The following CHRNA4 variants were observed in gnomAD, a reference collection of about 807,000 sequenced individuals.
CHRNA4 encodes the protein neuronal acetylcholine receptor subunit alpha-4.
In CHRNA4, 28 loss-of-function variants were observed where a neutral mutation model predicts 48.9. The ratio of observed to expected loss-of-function variants is 0.57; its 90% CI spans 0.42 to 0.79. CHRNA4 has a LOEUF of 0.79. CHRNA4 is among the 30% of genes least tolerant of loss of function. The pLI is 0.00. For missense variants in CHRNA4, 859 were observed against 898.4 expected, an observed-to-expected ratio of 0.96 and a Z score of 0.56; for synonymous variants, 425 against 402.3, an observed-to-expected ratio of 1.06 and a Z score of -0.68.
chr20:63,347,658 G>T (rs1464760208), intron 5 of CHRNA4, among the ~76,000 whole-genome samples: 1 of 152,190 alleles, frequency 6.6e-6, no homozygotes, highest in Non-Finnish European at 1.5e-5. Flanking sequence ...GCTGGCCACT[G>T]CCCTCGCCCC....
Position 63,346,030 on chromosome 20 carries a change from A to C in CHRNA4, c.*708T>G. 2.2e-6 allele frequency: 1 copy of C among 453,960 alleles called. No homozygotes were observed. 28.1% of individuals were successfully genotyped at this position (453,960 alleles called of 1,614,324 possible). On this transcript the variant is annotated 3_prime_UTR_variant, in exon 6 of 6. Transcript: ENST00000370263. ...CCTGTCCCCCGCGGAGGGCCTGCGC[A>C]GGGGAGAGCTGGTCCCGCGTGGGCC...
At position 63,345,829 on chromosome 20, in the gene CHRNA4, AG is replaced by A; in HGVS notation, c.*908del. 2.2e-6 allele frequency: 1 copy of A among 449,372 alleles called. No homozygotes were observed. Among genetic ancestry groups the A allele is most frequent in the East Asian group, 7.0e-5 (1 of 14,224 alleles). The allele number at this position is 449,372 out of a possible 1,614,324, so 27.8% of individuals were successfully genotyped here. A position where few individuals can be genotyped will look rare whatever the true frequency, so the allele number is the denominator to read the frequency against. On this transcript the variant is annotated 3_prime_UTR_variant, in exon 6 of 6. Coordinates refer to ENST00000370263, the MANE Select transcript of CHRNA4 (RefSeq NM_000744.7). This position sits in a 1 kb window ranked among gnomAD's most constrained non-coding sequence, Gnocchi z 5.4. ...AAACCCTCAGGGTCCTGGGGGAACC[AG>A]GGCCCAGGTCTGGACTCCATTCGGG...
chr20:63,346,054 C>T lies in CHRNA4; in HGVS notation c.*684G>A. The T allele has an allele frequency of 2.2e-6, 1 of 453,934 alleles. No individual in the cohort carries two copies. Among genetic ancestry groups the T allele is most frequent in the Non-Finnish European group, 4.4e-6 (1 of 226,732 alleles). The allele number at this position is 453,934 out of a possible 1,614,324, so 28.1% of individuals were successfully genotyped here. A position where few individuals can be genotyped will look rare whatever the true frequency, so the allele number is the denominator to read the frequency against. On this transcript the variant is annotated 3_prime_UTR_variant, in exon 6 of 6. Coordinates refer to ENST00000370263, the MANE Select transcript of CHRNA4 (RefSeq NM_000744.7). The stretch of plus-strand genomic sequence containing the variant: ...CAGGGGAGAGCTGGTCCCGCGTGGG[C>T]CTCCCGATTCTCCCCACGCGGAACC...
intron 4 of CHRNA4, among the ~76,000 whole-genome samples, chr20:63,355,057 G>A (rs1568815842): frequency 6.6e-6 from 1 of 152,208 alleles, no homozygotes; most frequent in Non-Finnish European, 1.5e-5. Context: ...GGAAAGGGCT[G>A]TGGGCAGATG....
chr20:63,343,510 C>T lies in CHRNA4; in HGVS notation c.*3228G>A, dbSNP rs45601435. ...TAACCCAGCAGTCCCACAGCAGCTG[C>T]GTGCCCTAGAGTGTCCTGGGCCCGG... On this transcript the variant is annotated 3_prime_UTR_variant, in exon 6 of 6. Transcript: ENST00000370263. The T allele has an allele frequency of 0.047, 21,200 of 454,160 alleles. 679 individuals are homozygous for T. Among genetic ancestry groups the T allele is most frequent in the Middle Eastern group, 0.089 (129 of 1,442 alleles). The allele number at this position is 454,160 out of a possible 1,614,324, so 28.1% of individuals were successfully genotyped here. A position where few individuals can be genotyped will look rare whatever the true frequency, so the allele number is the denominator to read the frequency against.
chr20:63,352,771 C>T (rs1024837013), intron 4 of CHRNA4, among the ~76,000 whole-genome samples: 14 of 152,320 alleles, frequency 9.2e-5, no homozygotes, highest in African/African-American at 3.4e-4. Flanking sequence ...GGCAGGGCCC[C>T]CCTCCCCCAG....
At chr20:63,356,277 G>T in intron 3 of CHRNA4, 94 bp downstream of exon 3, 1 of 797,686 alleles carries the variant, frequency 1.3e-6, no homozygotes, top group Non-Finnish European at 1.9e-6. Context: ...CAGGGGTGGG[G>T]CAGGGCCAGG....
At chr20:63,347,195 C>T (rs45563331) in intron 5 of CHRNA4, among the ~76,000 whole-genome samples, 5 of 152,172 alleles carry the variant, frequency 3.3e-5, no homozygotes, top group African/African-American at 4.8e-5. Context: ...GCCTGTGCTC[C>T]GGGAAGGGGG....
chr20:63,350,313 G>A lies in CHRNA4; in HGVS notation c.1098C>T (p.Asp366=). The A allele has an allele frequency of 6.2e-7, 1 of 1,613,264 alleles. No individual in the cohort carries two copies. The highest frequency in any genetic ancestry group is 1.1e-5 in the South Asian group (1 of 91,090). The change falls in exon 5 of 6, where the codon GAC becomes GAT. Residue 366 remains aspartate (D), a synonymous_variant. Coordinates refer to ENST00000370263, the MANE Select transcript of CHRNA4 (RefSeq NM_000744.7). ...LLMKRPSVVK[D]NCRRLIESMH... ...TGGACTCGATGAGCCGCCGGCAATT[G>A]TCCTTGACCACGGACGGCCGCTTCA...
Position 63,345,575 on chromosome 20 carries a change from A to G in CHRNA4, c.*1163T>C, listed in dbSNP as rs1382453738. The G allele has an allele frequency of 1.4e-5, 6 of 443,754 alleles. No individual in the cohort carries two copies. The allele number at this position is 443,754 out of a possible 1,614,324, so 27.5% of individuals were successfully genotyped here. On this transcript the variant is annotated 3_prime_UTR_variant, in exon 6 of 6. Transcript: ENST00000370263. This position sits in a 1 kb window ranked among gnomAD's most constrained non-coding sequence, Gnocchi z 5.4. ...CGCCTGCAGGGGTGAGGCTGTGCTGAGCTCTGCCTGCCCTGCCAGGACGGA... is the reference window on the plus strand; with the variant it reads ...CGCCTGCAGGGGTGAGGCTGTGCTGGGCTCTGCCTGCCCTGCCAGGACGGA...
rs201224423 is a variant in CHRNA4 at position 63,350,306 on chromosome 20, G to A, written c.1105C>T (p.Arg369Trp). 22 of 1,613,126 alleles carry A rather than the reference G, an allele frequency of 1.4e-5. 1 individual carries two copies. Among genetic ancestry groups the A allele is most frequent in the South Asian group, 5.5e-5 (5 of 91,080 alleles). Residue 369 changes from arginine (R) to tryptophan (W), a missense_variant, in exon 5 of 6, where the codon CGG (arginine) becomes TGG (tryptophan). By Grantham distance (101) the Arg-to-Trp change is moderately radical. Coordinates refer to ENST00000370263, the MANE Select transcript of CHRNA4 (RefSeq NM_000744.7). ...KRPSVVKDNCRRLIESMHKMA... is the reference protein window; with the variant it reads ...KRPSVVKDNCWRLIESMHKMA... ...TTATGCATGGACTCGATGAGCCGCCGGCAATTGTCCTTGACCACGGACGGC... is the reference window on the plus strand; with the variant it reads ...TTATGCATGGACTCGATGAGCCGCCAGCAATTGTCCTTGACCACGGACGGC...
intron 5 of CHRNA4, among the ~76,000 whole-genome samples, chr20:63,348,678 G>A (rs1371191526): frequency 6.6e-6 from 1 of 152,206 alleles, no homozygotes; most frequent in Non-Finnish European, 1.5e-5. Context: ...CAGGACAGAT[G>A]CCGAATTGCC....
Position 63,345,954 on chromosome 20 carries a change from T to C in CHRNA4, c.*784A>G, listed in dbSNP as rs1219631179. 2.2e-6 allele frequency: 1 copy of C among 453,934 alleles called. No individual in the cohort carries two copies. Among genetic ancestry groups the C allele is most frequent in the Non-Finnish European group, 4.4e-6 (1 of 226,752 alleles). 28.1% of individuals were successfully genotyped at this position (453,934 alleles called of 1,614,324 possible). A position where few individuals can be genotyped will look rare whatever the true frequency, so the allele number is the denominator to read the frequency against. Reference sequence around the variant, plus strand: ...TGGCCACCTGCCAGAGCCCTGGCCCTACGCCTGGAAGGCAGAGTCCTGGTC... The same window carrying C: ...TGGCCACCTGCCAGAGCCCTGGCCCCACGCCTGGAAGGCAGAGTCCTGGTC... On this transcript the variant is annotated 3_prime_UTR_variant, in exon 6 of 6. Coordinates refer to ENST00000370263, the MANE Select transcript of CHRNA4 (RefSeq NM_000744.7). This position sits in a 1 kb window ranked among gnomAD's most constrained non-coding sequence, Gnocchi z 5.4.
rs531615515 is a variant in CHRNA4, at chr20:63,350,440, G to A, written c.971C>T (p.Thr324Met). 41 of 1,613,960 alleles carry A rather than the reference G, an allele frequency of 2.5e-5. No homozygotes were observed. Among genetic ancestry groups the A allele is most frequent in the Middle Eastern group, 1.6e-4 (1 of 6,062 alleles). ...MIFVTLSIVI[T>M]VFVLNVHHRS... ...GTGGTGCACGTTGAGCACGAAGACC[G>A]TGATGACGATGGACAGGGTGACGAA... Residue 324 changes from threonine to methionine, a missense_variant, in exon 5 of 6, where the codon ACG becomes ATG. Around this residue, in one of 3 missense-constraint regions of CHRNA4, gnomAD observed 478 missense variants for 455.4 expected, o/e 1.05. Transcript: ENST00000370263.
At chr20:63,347,616 A>T (rs1221272265) in intron 5 of CHRNA4, among the ~76,000 whole-genome samples, 1 of 152,198 alleles carries the variant, frequency 6.6e-6, no homozygotes, top group Non-Finnish European at 1.5e-5. Flanking sequence ...CTCTCGAGAC[A>T]GCCGCTGTGT....
chr20:63,359,253 G>C (rs1412386106), intron 2 of CHRNA4: 4 of 456,134 alleles, frequency 8.8e-6, no homozygotes, highest in Non-Finnish European at 1.6e-5. Flanking sequence ...CAAGGCCTTT[G>C]CTGTTCTTTG....
In CHRNA4 at chr20:63,345,977, G is replaced by C; in HGVS notation, c.*761C>G. The C allele has an allele frequency of 2.2e-6, 1 of 454,072 alleles. No individual in the cohort carries two copies. The highest frequency in any genetic ancestry group is 4.4e-6 in the Non-Finnish European group (1 of 226,758). The allele number at this position is 454,072 out of a possible 1,614,324, so 28.1% of individuals were successfully genotyped here. A position where few individuals can be genotyped will look rare whatever the true frequency, so the allele number is the denominator to read the frequency against. Reference sequence around the variant, plus strand: ...CCTACGCCTGGAAGGCAGAGTCCTGGTCTCCAGACTCGCTGGGGCTGGGTG... The same window carrying C: ...CCTACGCCTGGAAGGCAGAGTCCTGCTCTCCAGACTCGCTGGGGCTGGGTG... On this transcript the variant is annotated 3_prime_UTR_variant, in exon 6 of 6. Coordinates refer to ENST00000370263, the MANE Select transcript of CHRNA4 (RefSeq NM_000744.7). The surrounding 1 kb of genome is among the most constrained non-coding windows in gnomAD (Gnocchi z 5.4).
rs759167480 is a variant in CHRNA4, at chr20:63,350,333, G to A, written c.1078C>T (p.Arg360Trp). ...DIVPRLLLMK[R>W]PSVVKDNCRR... ...CAATTGTCCTTGACCACGGACGGCC[G>A]CTTCATGAGGAGCAGGCGTGGCACG... is the stretch of plus-strand genomic sequence containing the variant. The change falls in exon 5 of 6, where the codon CGG (arginine) becomes TGG (tryptophan). Residue 360 changes from arginine to tryptophan, a missense_variant. Physicochemically the swap from Arg to Trp is moderately radical, Grantham distance 101. Coordinates refer to ENST00000370263, the MANE Select transcript of CHRNA4 (RefSeq NM_000744.7). 1.2e-5 allele frequency: 19 copies of A among 1,613,460 alleles called. No individual in the cohort carries two copies. The highest frequency in any genetic ancestry group is 1.7e-5 in the Admixed American group (1 of 60,014).
Position 63,345,501 on chromosome 20 carries a change from T to G in CHRNA4, c.*1237A>C. 2.5e-6 allele frequency: 1 copy of G among 398,106 alleles called. No homozygotes were observed. Among genetic ancestry groups the G allele is most frequent in the Non-Finnish European group, 5.2e-6 (1 of 193,638 alleles). 24.7% of individuals were successfully genotyped at this position (398,106 alleles called of 1,614,324 possible). A position where few individuals can be genotyped will look rare whatever the true frequency, so the allele number is the denominator to read the frequency against. ...ATCTTTAGGGGGTGCACTGCCGGGC[T>G]CCAGGGTCATGCCTGGAAACATTTC... On this transcript the variant is annotated 3_prime_UTR_variant, in exon 6 of 6. Coordinates refer to ENST00000370263, the MANE Select transcript of CHRNA4 (RefSeq NM_000744.7). The surrounding 1 kb of genome is among the most constrained non-coding windows in gnomAD (Gnocchi z 5.4).
Sources: gnomAD v4.1 joint callset for allele counts (sites outside exome capture counted in the v4.1 genomes callset) on GRCh38, gnomAD v4.1.1 for gene constraint, gnomAD v4.1.1 regional missense constraint, Gnocchi (gnomAD v3.1) non-coding constraint, MANE v1.5 for transcripts, NCBI Gene and HGNC (gene_info 2026-07-23, HGNC 2026-07-21) for gene names.